Variants in BLTP1 observed in about 807,000 individuals in gnomAD.
BLTP1 encodes fragile site-associated protein.
chr4:122,356,703 C>T, the BLTP1 span: 14 of 1,613,544 alleles, frequency 8.7e-6, no homozygotes, highest in South Asian at 1.1e-5. Context: ...ATGCTGAGCT[C>T]ATCATGTTTC....
At chr4:122,279,629 C>T in the BLTP1 span, 7 of 864,706 alleles carry the variant, frequency 8.1e-6, no homozygotes, top group Non-Finnish European at 1.2e-5. Flanking sequence ...CTGAAATCTA[C>T]ACTTTTTTTG....
the BLTP1 span, among the ~76,000 whole-genome samples, chr4:122,242,411 T>G: frequency 6.6e-6 from 1 of 152,156 alleles, no homozygotes; most frequent in South Asian, 2.1e-4. Context: ...ACTCGTAGAA[T>G]CTAAGCAAGC....
chr4:122,251,515 T>G, the BLTP1 span: 2 of 964,156 alleles, frequency 2.1e-6, no homozygotes, highest in African/African-American at 3.5e-5. Context: ...TCTTTGGAAA[T>G]GTTTAGGGGA....
the BLTP1 span, chr4:122,280,281 C>A: frequency 3.2e-6 from 2 of 629,876 alleles, no homozygotes; most frequent in South Asian, 7.0e-5. Flanking sequence ...TTGGTGAATT[C>A]CAGGACCATG....
chr4:122,281,314 A>T, the BLTP1 span: 3 of 977,234 alleles, frequency 3.1e-6, no homozygotes. Context: ...ACAGTATAAC[A>T]TTCTAAGAGT....
At chr4:122,208,320 T>C in the BLTP1 span, 2 of 802,494 alleles carry the variant, frequency 2.5e-6, no homozygotes, top group African/African-American at 1.9e-5. Context: ...TAGAGAGTTA[T>C]TGGGCAGTAT....
chr4:122,239,464 C>T, the BLTP1 span: 4 of 1,362,464 alleles, frequency 2.9e-6, no homozygotes, highest in Non-Finnish European at 4.0e-6. Context: ...TGTTTTTATG[C>T]TTAAATTTTA....
At chr4:122,209,976 T>C in the BLTP1 span, 1 of 1,577,274 alleles carries the variant, frequency 6.3e-7, no homozygotes, top group East Asian at 2.3e-5. Flanking sequence ...TTATGATTGA[T>C]AATCATGAAA....
the BLTP1 span, chr4:122,246,471 G>C: frequency 1.7e-6 from 1 of 604,124 alleles, no homozygotes; most frequent in Non-Finnish European, 2.1e-6. Flanking sequence ...GTTTACTTAA[G>C]CAGAATATTA....
At chr4:122,228,488 G>C in the BLTP1 span, among the ~76,000 whole-genome samples, 1 of 152,208 alleles carries the variant, frequency 6.6e-6, no homozygotes, top group East Asian at 1.9e-4. Context: ...TCCTTATAGA[G>C]TATTGACTAC....
the BLTP1 span, among the ~76,000 whole-genome samples, chr4:122,295,404 TAGC>T: frequency 6.6e-6 from 1 of 151,918 alleles, no homozygotes; most frequent in Non-Finnish European, 1.5e-5. Flanking sequence ...ATCAGCCTAA[TAGC>T]AGACCTCTCA....
chr4:122,267,097 C>T, the BLTP1 span: 33 of 342,728 alleles, frequency 9.6e-5, no homozygotes, highest in African/African-American at 1.1e-3. Context: ...CTCGCTCTGT[C>T]GCCCAGGCTG....
At chr4:122,152,620 C>T in the BLTP1 span, 10 of 985,458 alleles carry the variant, frequency 1.0e-5, no homozygotes, top group East Asian at 1.1e-4. Flanking sequence ...GGGTTGAGGT[C>T]GTCAGCCCCT....
the BLTP1 span, chr4:122,299,756 G>T: frequency 3.1e-6 from 3 of 965,440 alleles, no homozygotes; most frequent in Non-Finnish European, 2.5e-6. Context: ...ATATATGTAT[G>T]TATGTATATG....
the BLTP1 span, chr4:122,353,915 G>A: frequency 6.2e-7 from 1 of 1,613,868 alleles, no homozygotes; most frequent in Non-Finnish European, 8.5e-7. The surrounding 1 kb of genome is among the most constrained non-coding windows in gnomAD (Gnocchi z 4.3). Flanking sequence ...AAGTCCTATG[G>A]CAACAATAAC....
the BLTP1 span, chr4:122,359,686 T>G: frequency 6.2e-7 from 1 of 1,611,896 alleles, no homozygotes; most frequent in Middle Eastern, 1.7e-4. Flanking sequence ...TGGAGAGATT[T>G]TATGTGCAAT....
chr4:122,285,389 G>A, the BLTP1 span, among the ~76,000 whole-genome samples: 3 of 152,080 alleles, frequency 2.0e-5, no homozygotes, highest in African/African-American at 4.8e-5. Flanking sequence ...AATAGTAGTG[G>A]TGGCAGCGAC....
the BLTP1 span, chr4:122,351,408 TCAA>T: frequency 2.3e-5 from 4 of 174,664 alleles, no homozygotes; most frequent in East Asian, 1.9e-4. Context: ...ATTTTGTAGG[TCAA>T]CAATCTCCAA....
At chr4:122,352,212 GTTC>G in the BLTP1 span, among the ~76,000 whole-genome samples, 1 of 151,980 alleles carries the variant, frequency 6.6e-6, no homozygotes, top group East Asian at 1.9e-4. Flanking sequence ...TAACCTCTTT[GTTC>G]TTCTGCTTAT....
Sources: allele counts gnomAD v4.1 joint callset (sites outside exome capture counted in the v4.1 genomes callset), GRCh38; gene constraint gnomAD v4.1.1; non-coding constraint Gnocchi (gnomAD v3.1); transcripts MANE v1.5; gene names NCBI Gene and HGNC (gene_info 2026-07-23, HGNC 2026-07-21).